The following SOAT2 variants were observed in gnomAD, a reference collection of about 807,000 sequenced individuals.
SOAT2 encodes sterol O-acyltransferase 2, also known as ACAT-2.
In SOAT2, 87 loss-of-function variants were observed where a neutral mutation model predicts 76.0. The observed-to-expected ratio is 1.14, with a 90% CI of 0.96 to 1.37. SOAT2 has a LOEUF of 1.37. SOAT2 is among the 40% of genes most tolerant of loss of function. The pLI is 0.00. For synonymous variants in SOAT2, 285 were observed against 275.4 expected (o/e 1.03, Z -0.34); for missense variants, 686 against 682.1 (o/e 1.01, Z -0.06).
At chr12:53,120,394 A>G (rs1284607603) in intron 10 of SOAT2, among the ~76,000 whole-genome samples, 4 of 152,108 alleles carry the variant, frequency 2.6e-5, no homozygotes, top group East Asian at 1.9e-4. Context: ...GCATGAACCC[A>G]GGAGGCGGAG....
chr12:53,115,560 C>G lies in SOAT2; in HGVS notation c.614C>G (p.Ala205Gly), dbSNP rs756538338. ...QATGLGCALL[A>G]AHAVVLCALP... is the part of the protein sequence containing the mutation. The stretch of plus-strand genomic sequence containing the variant: ...ACGGGCCTGGGCTGTGCGCTGCTAG[C>G]CGCCCACGCCGTGGTGCTCTGCGCG... Residue 205 changes from alanine (A) to glycine (G), a missense_variant, in exon 6 of 15, where the codon GCC (alanine) becomes GGC (glycine). Transcript: ENST00000301466. 3 of 1,590,786 alleles carry G rather than the reference C, an allele frequency of 1.9e-6. No individual in the cohort carries two copies. The South Asian group carries it at 3.3e-5, about 18-fold the overall frequency.
At chr12:53,121,793 C>CA (rs1300090458) in intron 12 of SOAT2, among the ~76,000 whole-genome samples, 3 of 56,862 alleles carry the variant, frequency 5.3e-5, no homozygotes, top group East Asian at 1.2e-3. Context: ...TAGTAGCATG[C>CA]TTTTTTTTTT....
At position 53,119,153 on chromosome 12, in the gene SOAT2, C is replaced by T. The variant is rs1385398297; in HGVS notation, c.939C>T (p.Phe313=). The T allele has an allele frequency of 6.2e-7, 1 of 1,613,902 alleles. No homozygotes were observed. The highest frequency in any genetic ancestry group is 2.2e-5 in the East Asian group (1 of 44,864). The change falls in exon 10 of 15, where the codon TTC becomes TTT. Residue 313 remains phenylalanine, a synonymous_variant. Transcript: ENST00000301466. The part of the protein sequence containing the change: ...QALGCVLYAC[F]ILGRLCVPVF... Reference sequence around the variant, plus strand: ...TGGGATGTGTGCTCTATGCCTGCTTCATCCTGGGCCGCCTCTGTGTTCCTG... The same window carrying T: ...TGGGATGTGTGCTCTATGCCTGCTTTATCCTGGGCCGCCTCTGTGTTCCTG...
At chr12:53,120,736 G>T in intron 10 of SOAT2, 50 bp from the exon 11 acceptor site, 1 of 1,337,056 alleles carries the variant, frequency 7.5e-7, no homozygotes. Context: ...GGCTGCCTGT[G>T]GGTCCATGTG....
chr12:53,115,573 G>A lies in SOAT2; in HGVS notation c.627G>A (p.Val209=). The A allele has an allele frequency of 3.8e-6, 6 of 1,587,512 alleles. No individual in the cohort carries two copies. Among genetic ancestry groups the A allele is most frequent in the Non-Finnish European group, 5.1e-6 (6 of 1,173,366 alleles). The change falls in exon 6 of 15, where the codon GTG becomes GTA. Residue 209 remains valine (V), a synonymous_variant. Coordinates refer to ENST00000301466, the MANE Select transcript of SOAT2 (RefSeq NM_003578.4). ...GTGCGCTGCTAGCCGCCCACGCCGT[G>A]GTGCTCTGCGCGCTGCCGGTCCACG... ...LGCALLAAHA[V]VLCALPVHVA...
chr12:53,124,096 A>T lies in SOAT2; in HGVS notation c.1542A>T (p.Thr514=). Reference sequence around the variant, plus strand: ...AGGCAACTTTCTGGGGGCTGGTGACACCTCGATCTTGGTCCTGCCATACCT... The same window carrying T: ...AGGCAACTTTCTGGGGGCTGGTGACTCCTCGATCTTGGTCCTGCCATACCT... The part of the protein sequence containing the change: ...LPQATFWGLV[T]PRSWSCHT The change falls in exon 15 of 15, where the codon ACA becomes ACT. Residue 514 remains threonine, a synonymous_variant. Transcript: ENST00000301466. 6.2e-7 allele frequency: 1 copy of T among 1,614,058 alleles called. No individual in the cohort carries two copies. The highest frequency in any genetic ancestry group is 8.5e-7 in the Non-Finnish European group (1 of 1,180,004).
At chr12:53,106,665 G>A (rs1423246627) in intron 5 of SOAT2, among the ~76,000 whole-genome samples, 1 of 152,196 alleles carries the variant, frequency 6.6e-6, no homozygotes, top group Admixed American at 6.5e-5. Flanking sequence ...TCTGTAACCA[G>A]TTACAGGGAG....
chr12:53,105,791 C>G, intron 4 of SOAT2, 116 bp from the exon 5 acceptor site: 1 of 944,094 alleles, frequency 1.1e-6, no homozygotes, highest in Non-Finnish European at 1.6e-6. Flanking sequence ...GAAGAAAGGC[C>G]TTTAGCTGGA....
At chr12:53,122,524 G>T (rs1427817839) in intron 12 of SOAT2, among the ~76,000 whole-genome samples, 1 of 150,834 alleles carries the variant, frequency 6.6e-6, no homozygotes, top group Non-Finnish European at 1.5e-5. Context: ...ATTAGGGAGT[G>T]GTGATGACTC....
At chr12:53,117,007 GGA>G (rs1008132277) in intron 7 of SOAT2, among the ~76,000 whole-genome samples, 2 of 144,138 alleles carry the variant, frequency 1.4e-5, no homozygotes, top group African/African-American at 2.6e-5. Flanking sequence ...TTCCCAGGCT[GGA>G]GTGCAGTGGC....
intron 7 of SOAT2, 98 bp downstream of exon 7, chr12:53,116,264 A>T (rs945976160): frequency 6.1e-6 from 7 of 1,144,896 alleles, no homozygotes; most frequent in Middle Eastern, 2.1e-4. Context: ...CTGCCTTCCT[A>T]AGCCCGGGTT....
chr12:53,111,111 C>CTTTTTTTT (rs1565626647), intron 5 of SOAT2, among the ~76,000 whole-genome samples: 3 of 131,084 alleles, frequency 2.3e-5, no homozygotes, highest in African/African-American at 9.9e-5. Flanking sequence ...CATTTGCCTA[C>CTTTTTTTT]ATTTTTTTTT....
intron 5 of SOAT2, among the ~76,000 whole-genome samples, chr12:53,112,047 A>C (rs940878743): frequency 5.9e-5 from 9 of 152,146 alleles, no homozygotes; most frequent in Non-Finnish European, 4.4e-5. Context: ...CTTACACTGA[A>C]TCCTGGGTTT....
rs1389822745 is a variant in SOAT2, at chr12:53,116,219, TGAAGCCAGCAGGTGCAG to T, written c.778+56_778+72del. ...AACTCAGTCCTCTTGGCTGACTGAA[TGAAGCCAGCAGGTGCAG>T]GATCCTGATAAAAGTCCCTGCCTTC... On this transcript the variant is annotated intron_variant, in intron 7 of 14. Coordinates refer to ENST00000301466, the MANE Select transcript of SOAT2 (RefSeq NM_003578.4). 17 of 1,498,792 alleles carry T rather than the reference TGAAGCCAGCAGGTGCAG, an allele frequency of 1.1e-5. No homozygotes were observed. The Admixed American group carries it at 1.3e-4, about 12-fold the overall frequency. 92.8% of individuals were successfully genotyped at this position (1,498,792 alleles called of 1,614,324 possible).
At chr12:53,118,495 C>G (rs747809969) in intron 8 of SOAT2, 61 bp downstream of exon 8, 44 of 1,249,998 alleles carry the variant, frequency 3.5e-5, no homozygotes, top group Admixed American at 1.0e-4. Flanking sequence ...CCCTTCTACT[C>G]TCCCCTCCCT....
At chr12:53,112,772 T>C (rs1449956768) in intron 5 of SOAT2, among the ~76,000 whole-genome samples, 2 of 149,282 alleles carry the variant, frequency 1.3e-5, no homozygotes, top group Non-Finnish European at 3.0e-5. Flanking sequence ...TTTCTTTTTT[T>C]TCTTTCCTTT....
At chr12:53,121,263 G>A (rs1938184435) in intron 11 of SOAT2, 40 bp from the exon 12 acceptor site, 1 of 1,464,920 alleles carries the variant, frequency 6.8e-7, no homozygotes, top group African/African-American at 1.4e-5. Flanking sequence ...CCAGATGCTT[G>A]CTTACCTCCT....
At chr12:53,104,403 G>A (rs1937895620) in intron 2 of SOAT2, among the ~76,000 whole-genome samples, 197 bp downstream of exon 2, 2 of 151,146 alleles carry the variant, frequency 1.3e-5, no homozygotes, top group South Asian at 4.2e-4. Flanking sequence ...GCGAGTAGCT[G>A]AACTACAGAT....
chr12:53,121,744 A>T (rs1447650050), intron 12 of SOAT2, among the ~76,000 whole-genome samples: 1 of 141,956 alleles, frequency 7.0e-6, no homozygotes, highest in African/African-American at 2.6e-5. Context: ...AAATATGATT[A>T]TATCCTCATT....
Sources: allele counts gnomAD v4.1 joint callset (sites outside exome capture counted in the v4.1 genomes callset), GRCh38; gene constraint gnomAD v4.1.1; transcripts MANE v1.5; gene names NCBI Gene and HGNC (gene_info 2026-07-23, HGNC 2026-07-21).